ZFPM2: variants seen among roughly 807,000 people sequenced by gnomAD.
ZFPM2 encodes zinc finger protein ZFPM2.
ZFPM2 carries 20 observed loss-of-function variants against 98.6 expected under a neutral mutation model. The ratio of observed to expected loss-of-function variants is 0.20; its 90% CI spans 0.14 to 0.29. The LOEUF (loss-of-function observed/expected upper bound fraction) is 0.29, where lower values mean the gene tolerates loss of function less well. Among genes scored for constraint, ZFPM2 ranks in the 10% least tolerant of loss-of-function variants. The pLI, the probability that ZFPM2 is intolerant of heterozygous loss-of-function variation, is 1.00. For synonymous variants in ZFPM2, 518 were observed against 502.7 expected (o/e 1.03, Z -0.41); for missense variants, 1,310 against 1,388.6 (o/e 0.94, Z 0.90).
chr8:105,618,138 G>A (rs1397573991), intron 4 of ZFPM2, among the ~76,000 whole-genome samples: 1 of 152,138 alleles, frequency 6.6e-6, no homozygotes. Context: ...CATGCATAAT[G>A]TAAAACAGAA....
chr8:105,633,438 TATTTCCAGCCATGTAA>T (rs1816788981), intron 4 of ZFPM2, among the ~76,000 whole-genome samples: 1 of 152,200 alleles, frequency 6.6e-6, no homozygotes, highest in Admixed American at 6.5e-5. Flanking sequence ...CTCCCCAGTT[TATTTCCAGCCATGTAA>T]ATTTATCCAC....
intron 3 of ZFPM2, among the ~76,000 whole-genome samples, chr8:105,526,367 T>G (rs187165723): frequency 6.6e-6 from 1 of 152,290 alleles, no homozygotes; most frequent in East Asian, 1.9e-4. Context: ...TTATTCACAC[T>G]ACTGCATGTT....
chr8:105,373,959 A>G (rs1459588423), intron 1 of ZFPM2, among the ~76,000 whole-genome samples: 1 of 152,218 alleles, frequency 6.6e-6, no homozygotes, highest in East Asian at 1.9e-4. Context: ...GCAGCAAGTC[A>G]TGATAAAAGA....
chr8:105,430,790 ACT>A (rs1254328020), intron 2 of ZFPM2, among the ~76,000 whole-genome samples: 3 of 151,062 alleles, frequency 2.0e-5, no homozygotes, highest in Non-Finnish European at 2.9e-5. Flanking sequence ...GACCTAGAAT[ACT>A]CTTTTTTACC....
At chr8:105,586,257 ATGTTTTACTT>A (rs922765672) in intron 4 of ZFPM2, among the ~76,000 whole-genome samples, 1 of 152,008 alleles carries the variant, frequency 6.6e-6, no homozygotes, top group Non-Finnish European at 1.5e-5. Flanking sequence ...TTTCGATGTA[ATGTTTTACTT>A]TGTTTTGTTT....
intron 1 of ZFPM2, chr8:105,418,596 GGAGA>G (rs1811729260): frequency 1.9e-6 from 1 of 518,312 alleles, no homozygotes; most frequent in South Asian, 1.4e-5. Flanking sequence ...CTTTCATCAG[GGAGA>G]GAAATATGTA....
chr8:105,646,064 AAAAAG>A (rs1416746238), intron 5 of ZFPM2, among the ~76,000 whole-genome samples: 191 of 151,996 alleles, frequency 1.3e-3, no homozygotes, highest in African/African-American at 4.3e-3. Context: ...AAAAAAAAAA[AAAAAG>A]AAAGAAAGGA....
chr8:105,344,732 T>C (rs1812485365), intron 1 of ZFPM2, among the ~76,000 whole-genome samples: 1 of 152,072 alleles, frequency 6.6e-6, no homozygotes, highest in Admixed American at 6.6e-5. Flanking sequence ...ATATATGCTA[T>C]GATTCTAAAT....
chr8:105,385,974 T>C (rs1026081860), intron 1 of ZFPM2, among the ~76,000 whole-genome samples: 4 of 152,200 alleles, frequency 2.6e-5, no homozygotes, highest in African/African-American at 9.7e-5. Context: ...AAGTTACTTA[T>C]CTGTGCCTCA....
intron 6 of ZFPM2, among the ~76,000 whole-genome samples, chr8:105,792,693 T>G (rs1813656505): frequency 6.6e-6 from 1 of 152,188 alleles, no homozygotes; most frequent in Non-Finnish European, 1.5e-5. Flanking sequence ...GGTGTTAAAG[T>G]CTCCCATTAT....
intron 3 of ZFPM2, among the ~76,000 whole-genome samples, chr8:105,513,280 T>C (rs1323705514): frequency 1.3e-5 from 2 of 152,250 alleles, no homozygotes; most frequent in Non-Finnish European, 2.9e-5. Context: ...TCTTTTCTTA[T>C]ATTTATGGTT....
chr8:105,753,233 G>T (rs1812517207), intron 5 of ZFPM2, among the ~76,000 whole-genome samples: 1 of 152,110 alleles, frequency 6.6e-6, no homozygotes, highest in African/African-American at 2.4e-5. Context: ...AGGTTCCAGA[G>T]ATCAGTAGCT....
At chr8:105,515,911 C>CT (rs34183654) in intron 3 of ZFPM2, among the ~76,000 whole-genome samples, 24,486 of 89,202 alleles carry the variant, frequency 0.27, 3,821 homozygotes, top group Non-Finnish European at 0.36. Context: ...AAAACAACTT[C>CT]TTTTTTTTTT....
chr8:105,352,644 C>T (rs1012573882), intron 1 of ZFPM2, among the ~76,000 whole-genome samples: 6 of 150,922 alleles, frequency 4.0e-5, no homozygotes, highest in Admixed American at 6.6e-5. Context: ...CTGATTTGCT[C>T]GAGCAGATGA....
chr8:105,556,634 T>C (rs1443652015), intron 3 of ZFPM2, among the ~76,000 whole-genome samples: 1 of 151,114 alleles, frequency 6.6e-6, no homozygotes, highest in East Asian at 1.9e-4. Context: ...ATACCTGTGA[T>C]TGCCATCTCA....
intron 4 of ZFPM2, among the ~76,000 whole-genome samples, chr8:105,614,482 C>G (rs1816372747): frequency 6.6e-6 from 1 of 152,104 alleles, no homozygotes; most frequent in African/African-American, 2.4e-5. Flanking sequence ...AATTCTGATG[C>G]TTTTTCTTTG....
intron 5 of ZFPM2, among the ~76,000 whole-genome samples, chr8:105,769,604 T>C (rs1812938425): frequency 6.6e-6 from 1 of 152,032 alleles, no homozygotes; most frequent in African/African-American, 2.4e-5. Flanking sequence ...CTTAGTTGGT[T>C]CTCCAAGACC....
chr8:105,384,110 A>G lies in ZFPM2; in HGVS notation c.41-35034A>G, dbSNP rs539994210. Among the ~76,000 whole-genome samples, 57 of 152,282 alleles carry G rather than the reference A, an allele frequency of 3.7e-4. 1 individual carries two copies. The highest frequency in any genetic ancestry group is 6.3e-4 in the Non-Finnish European group (43 of 68,020). On this transcript the variant is annotated intron_variant, in intron 1 of 7. Coordinates refer to ENST00000407775, the MANE Select transcript of ZFPM2 (RefSeq NM_012082.4). ...CAGTGTTAGCTCACTCACTGTAGAC[A>G]CAATCCCGTGGACACCTTGACTCCT...
intron 1 of ZFPM2, among the ~76,000 whole-genome samples, chr8:105,404,066 G>A (rs963666955): frequency 6.6e-6 from 1 of 151,894 alleles, no homozygotes. Flanking sequence ...TTGGCCCTAG[G>A]CGCTAGGTTC....
Sources: gnomAD v4.1 joint callset for allele counts (sites outside exome capture counted in the v4.1 genomes callset) on GRCh38, gnomAD v4.1.1 for gene constraint, MANE v1.5 for transcripts, NCBI Gene and HGNC (gene_info 2026-07-23, HGNC 2026-07-21) for gene names.